Variants in NCOA6 observed in about 807,000 individuals in gnomAD.
NCOA6 encodes the protein nuclear receptor coactivator 6, also known as NRC RAP250.
NCOA6 carries 49 observed loss-of-function variants against 171.4 expected under a neutral mutation model. The ratio of observed to expected loss-of-function variants is 0.29; its 90% CI spans 0.23 to 0.36. The LOEUF is 0.36. NCOA6 is among the 10% of genes least tolerant of loss of function. The probability of loss-of-function intolerance (pLI) is 1.00; values close to 1 mark genes in which losing one functional copy is unlikely to be tolerated. For missense variants in NCOA6, 2,248 were observed against 2,554.5 expected, an observed-to-expected ratio of 0.88 and a Z score of 2.59; for synonymous variants, 910 against 927.5, an observed-to-expected ratio of 0.98 and a Z score of 0.34.
At chr20:34,752,636 A>G (rs2076522135) in intron 8 of NCOA6, among the ~76,000 whole-genome samples, 1 of 152,102 alleles carries the variant, frequency 6.6e-6, no homozygotes, top group African/African-American at 2.4e-5. Flanking sequence ...AAACCAAAAC[A>G]TGTACACGTG....
chr20:34,806,418 A>G (rs1026232931), intron 1 of NCOA6, among the ~76,000 whole-genome samples: 3 of 152,124 alleles, frequency 2.0e-5, no homozygotes, highest in Non-Finnish European at 2.9e-5. Flanking sequence ...ATATAATCCT[A>G]TTTGCCAGCT....
chr20:34,806,135 G>A (rs1963437310), intron 1 of NCOA6, among the ~76,000 whole-genome samples: 1 of 152,146 alleles, frequency 6.6e-6, no homozygotes, highest in Non-Finnish European at 1.5e-5. Flanking sequence ...ATATCTCATT[G>A]TGGTTTTGAT....
At chr20:34,824,130 G>A (rs533701593) in intron 1 of NCOA6, among the ~76,000 whole-genome samples, 1 of 152,292 alleles carries the variant, frequency 6.6e-6, no homozygotes, top group African/African-American at 2.4e-5. Context: ...ACTCATTACA[G>A]GAAGAAAACA....
intron 12 of NCOA6, among the ~76,000 whole-genome samples, chr20:34,734,978 T>G (rs926902136): frequency 2.0e-5 from 3 of 152,170 alleles, no homozygotes; most frequent in Admixed American, 2.0e-4. Context: ...AGAAAAAGTT[T>G]GATGCTTTTG....
At chr20:34,733,063 C>T (rs2075836366) in intron 12 of NCOA6, 1 of 153,918 alleles carries the variant, frequency 6.5e-6, no homozygotes, top group Non-Finnish European at 1.4e-5. Context: ...GGGCACAGTG[C>T]TTTGCTTTCA....
chr20:34,732,796 T>G (rs951132899), intron 12 of NCOA6: 2 of 481,070 alleles, frequency 4.2e-6, no homozygotes, highest in East Asian at 3.4e-5. Flanking sequence ...GGTCTATTTT[T>G]ATTTCTACTC....
intron 1 of NCOA6, chr20:34,821,286 T>C (rs1407701019): frequency 6.6e-6 from 1 of 152,188 alleles, no homozygotes; most frequent in African/African-American, 2.4e-5. Context: ...AATATATAAA[T>C]AAATGAGTGT....
At chr20:34,768,666 T>A in intron 4 of NCOA6, 80 bp from the exon 5 acceptor site, 2 of 1,504,986 alleles carry the variant, frequency 1.3e-6, no homozygotes, top group Non-Finnish European at 1.8e-6. Context: ...TATAAGTGCT[T>A]TAGTTTTCTG....
chr20:34,796,351 G>A (rs2078073525), intron 1 of NCOA6, among the ~76,000 whole-genome samples: 1 of 152,034 alleles, frequency 6.6e-6, no homozygotes, highest in African/African-American at 2.4e-5. Flanking sequence ...AGGTATAGCG[G>A]CTCATGCTTG....
chr20:34,728,280 A>C (rs1210655822), intron 13 of NCOA6, among the ~76,000 whole-genome samples: 1 of 152,102 alleles, frequency 6.6e-6, no homozygotes, highest in Non-Finnish European at 1.5e-5. Flanking sequence ...GATTGTCCAC[A>C]CCCCAACCCC....
At chr20:34,821,761 G>C (rs1054087479) in intron 1 of NCOA6, 1 of 151,956 alleles carries the variant, frequency 6.6e-6, no homozygotes, top group Non-Finnish European at 1.5e-5. Context: ...CTAATTTTTT[G>C]TATTTTTAGT....
chr20:34,753,615 G>C (rs1015723713), intron 8 of NCOA6, among the ~76,000 whole-genome samples: 2 of 151,824 alleles, frequency 1.3e-5, no homozygotes, highest in African/African-American at 2.4e-5. Flanking sequence ...AGCCGATATT[G>C]AGCCACTGCA....
At chr20:34,752,582 A>G (rs2076521453) in intron 8 of NCOA6, among the ~76,000 whole-genome samples, 1 of 152,176 alleles carries the variant, frequency 6.6e-6, no homozygotes, top group African/African-American at 2.4e-5. Flanking sequence ...GAGAAGAGAA[A>G]GTAAGAGATA....
intron 7 of NCOA6, among the ~76,000 whole-genome samples, chr20:34,755,947 G>C (rs1049204775): frequency 1.3e-5 from 2 of 152,112 alleles, no homozygotes; most frequent in Non-Finnish European, 2.9e-5. Flanking sequence ...ATGTTGGCCA[G>C]GCTGGTCTCG....
At position 34,741,155 on chromosome 20, in the gene NCOA6, G is replaced by C; in HGVS notation, c.5101C>G (p.His1701Asp). ...GAAAATTTTATGTTCTGAGGTATGTGTAAAGGGCCAACAACTGCAACAGAG... is the reference window on the plus strand; with the variant it reads ...GAAAATTTTATGTTCTGAGGTATGTCTAAAGGGCCAACAACTGCAACAGAG... ...PPSVAVVGPL[H>D]IPQNIKFSSA... The change falls in exon 11 of 15, where the codon CAC becomes GAC. Residue 1701 changes from histidine (H) to aspartate (D), a missense_variant. This residue lies in a region of NCOA6 where 884 missense variants were observed against 941.9 expected (regional missense o/e 0.94). Coordinates refer to ENST00000359003, the MANE Select transcript of NCOA6 (RefSeq NM_014071.5). 1 of 1,614,246 alleles carries C rather than the reference G, an allele frequency of 6.2e-7. No homozygotes were observed. The highest frequency in any genetic ancestry group is 8.5e-7 in the Non-Finnish European group (1 of 1,180,044).
chr20:34,795,050 C>T (rs1164155495), intron 1 of NCOA6, among the ~76,000 whole-genome samples: 3 of 152,152 alleles, frequency 2.0e-5, no homozygotes, highest in Non-Finnish European at 4.4e-5. Flanking sequence ...GGTTCATCCT[C>T]GGTAGAGCGG....
Position 34,742,369 on chromosome 20 carries a change from T to C in NCOA6, c.3887A>G (p.Asn1296Ser). 2.5e-6 allele frequency: 4 copies of C among 1,614,120 alleles called. No homozygotes were observed. The South Asian group carries it at 3.3e-5, about 13-fold the overall frequency. Residue 1296 changes from asparagine (N) to serine (S), a missense_variant, in exon 11 of 15, where the codon AAT (asparagine) becomes AGT (serine). Asn to Ser is a conservative substitution (Grantham distance 46). Transcript: ENST00000359003. Reference protein sequence around the residue: ...APSNLTMNPSNFATPQTHKLD... With the variant: ...APSNLTMNPSSFATPQTHKLD... ...TTTGTGAGTTTGTGGGGTAGCAAAA[T>C]TGGAAGGATTCATGGTAAGATTTGA...
chr20:34,750,380 G>A lies in NCOA6; in HGVS notation c.1815C>T (p.Asn605=). 1.2e-6 allele frequency: 2 copies of A among 1,614,124 alleles called. No homozygotes were observed. The highest frequency in any genetic ancestry group is 2.7e-5 in the African/African-American group (2 of 75,026). The change falls in exon 9 of 15, where the codon AAC becomes AAT. Residue 605 remains asparagine, a synonymous_variant. Coordinates refer to ENST00000359003, the MANE Select transcript of NCOA6 (RefSeq NM_014071.5). ...QAGTSGVPQV[N]LSNMQGQPQQ... ...GGGGCTGGCCTTGCATGTTGCTGAG[G>A]TTCACTTGAGGAACCCCAGAAGTAC...
chr20:34,780,482 G>A (rs994741469), intron 3 of NCOA6, among the ~76,000 whole-genome samples: 1 of 151,648 alleles, frequency 6.6e-6, no homozygotes, highest in African/African-American at 2.4e-5. Context: ...CACCCGAGTA[G>A]CTGGGATTAC....
Sources: gnomAD v4.1 joint callset for allele counts (sites outside exome capture counted in the v4.1 genomes callset) on GRCh38, gnomAD v4.1.1 for gene constraint, gnomAD v4.1.1 regional missense constraint, MANE v1.5 for transcripts, NCBI Gene and HGNC (gene_info 2026-07-23, HGNC 2026-07-21) for gene names.